RBM20: variants seen among roughly 807,000 people sequenced by gnomAD.
RBM20 encodes RNA binding motif protein 20.
Under a neutral mutation model 110.1 loss-of-function variants are expected in RBM20, and 51 were observed. The observed-to-expected ratio is 0.46, with a 90% CI of 0.37 to 0.59. RBM20 has a LOEUF of 0.59. Among genes scored for constraint, RBM20 ranks in the 20% least tolerant of loss-of-function variants. RBM20 has a pLI of 0.00. For missense variants in RBM20, 1,512 were observed against 1,574.9 expected, an observed-to-expected ratio of 0.96 and a Z score of 0.68; for synonymous variants, 589 against 618.2, an observed-to-expected ratio of 0.95 and a Z score of 0.70.
chr10:110,643,457 G>T (rs142080238), upstream of RBM20, among the ~76,000 whole-genome samples: 23 of 152,248 alleles, frequency 1.5e-4, no homozygotes, highest in Middle Eastern at 3.2e-3. Flanking sequence ...GCAGGTGGAC[G>T]GGCGCACGCG....
intron 1 of RBM20, among the ~76,000 whole-genome samples, chr10:110,748,263 G>A (rs1843808782): frequency 6.6e-6 from 1 of 152,194 alleles, no homozygotes; most frequent in South Asian, 2.1e-4. Context: ...TAGCTAAAAT[G>A]CAAGTTAAAA....
intron 5 of RBM20, among the ~76,000 whole-genome samples, chr10:110,791,010 G>A (rs776348835): frequency 6.6e-5 from 10 of 152,148 alleles, no homozygotes; most frequent in Non-Finnish European, 1.2e-4. Flanking sequence ...AAGATCCGTA[G>A]GCAATCCTAT....
intron 13 of RBM20, chr10:110,831,421 G>A: frequency 2.3e-6 from 1 of 427,088 alleles, no homozygotes; most frequent in Non-Finnish European, 4.3e-6. Flanking sequence ...GATTCCATCA[G>A]GCTGCTCTCG....
chr10:110,797,454 A>AG, intron 5 of RBM20, 54 bp from the exon 6 acceptor site: 2 of 1,463,404 alleles, frequency 1.4e-6, no homozygotes, highest in Non-Finnish European at 1.8e-6. Context: ...TCTGGAAGAG[A>AG]GGGGAAAAGG....
At chr10:110,800,801 T>C (rs886749857) in intron 7 of RBM20, among the ~76,000 whole-genome samples, 1 of 152,252 alleles carries the variant, frequency 6.6e-6, no homozygotes, top group African/African-American at 2.4e-5. Context: ...GCTGTGTTCT[T>C]ACAGATCTTG....
upstream of RBM20, chr10:110,644,307 C>A: frequency 1.8e-6 from 1 of 543,688 alleles, no homozygotes; most frequent in Non-Finnish European, 3.0e-6. This position sits in a 1 kb window ranked among gnomAD's most constrained non-coding sequence, Gnocchi z 4.3. Flanking sequence ...CCAGGACTGC[C>A]TCCTCCCCGC....
Position 110,780,953 on chromosome 10 carries a change from C to T in RBM20, c.344C>T (p.Ala115Val). Residue 115 changes from alanine to valine, a missense_variant, in exon 2 of 14, where the codon GCA becomes GTA. Ala to Val is a moderately conservative substitution (Grantham distance 64). Transcript: ENST00000369519. ...LAQTAVTNNTAAATVLNQVLS... is the reference protein window; with the variant it reads ...LAQTAVTNNTVAATVLNQVLS... ...CAGACAGCTGTCACCAACAACACTGCAGCCGCCACAGTCCTGAACCAAGTC... is the reference window on the plus strand; with the variant it reads ...CAGACAGCTGTCACCAACAACACTGTAGCCGCCACAGTCCTGAACCAAGTC... The T allele has an allele frequency of 3.2e-6, 5 of 1,551,732 alleles. No homozygotes were observed. The highest frequency in any genetic ancestry group is 3.5e-6 in the Non-Finnish European group (4 of 1,147,002).
At chr10:110,771,199 C>T (rs556872891) in intron 1 of RBM20, among the ~76,000 whole-genome samples, 2 of 152,168 alleles carry the variant, frequency 1.3e-5, no homozygotes, top group East Asian at 1.9e-4. Flanking sequence ...CTCTGTTGCC[C>T]AGGCTGGAGT....
At chr10:110,736,990 C>A (rs1372891498) in intron 1 of RBM20, among the ~76,000 whole-genome samples, 1 of 151,486 alleles carries the variant, frequency 6.6e-6, no homozygotes, top group Non-Finnish European at 1.5e-5. Context: ...GCCTGGCCAA[C>A]GTGGTGAAAC....
rs1311826726 is a variant in RBM20 at position 110,780,998 on chromosome 10, C to T, written c.389C>T (p.Ser130Phe). The T allele has an allele frequency of 6.4e-7, 1 of 1,551,828 alleles. No individual in the cohort carries two copies. Among genetic ancestry groups the T allele is most frequent in the Non-Finnish European group, 8.7e-7 (1 of 1,147,018 alleles). Residue 130 changes from serine to phenylalanine, a missense_variant, in exon 2 of 14, where the codon TCC becomes TTC. Ser to Phe is a radical substitution (Grantham distance 155, BLOSUM62 -2). Transcript: ENST00000369519. The part of the protein sequence containing the change: ...LNQVLSKVAM[S>F]QPLFNQLRHP... The stretch of plus-strand genomic sequence containing the variant: ...CAAGTCCTCTCCAAAGTGGCCATGT[C>T]CCAGCCTCTCTTCAATCAACTGAGG...
chr10:110,700,085 ATT>A (rs1242622389), intron 1 of RBM20, among the ~76,000 whole-genome samples: 1 of 152,168 alleles, frequency 6.6e-6, no homozygotes, highest in African/African-American at 2.4e-5. Flanking sequence ...TCCATGTAAT[ATT>A]TTTGGACCAC....
Position 110,780,845 on chromosome 10 carries a change from C to T in RBM20, c.236C>T (p.Pro79Leu), listed in dbSNP as rs1377676847. The T allele has an allele frequency of 5.8e-6, 9 of 1,545,356 alleles. No homozygotes were observed. The highest frequency in any genetic ancestry group is 1.4e-5 in the African/African-American group (1 of 73,042). ...AAGAACCCATTCTCGGTCAGTAACC[C>T]GAACCCTCTGCTTCCTTCACCTGCC... ...LDKNPFSVSN[P>L]NPLLPSPASL... The change falls in exon 2 of 14, where the codon CCG (proline) becomes CTG (leucine). Residue 79 changes from proline (P) to leucine (L), a missense_variant. Pro to Leu is a moderately conservative substitution (Grantham distance 98). Around this residue, in one of 3 missense-constraint regions of RBM20, gnomAD observed 1,149 missense variants for 1,169.4 expected, o/e 0.98. Transcript: ENST00000369519.
rs923358109 is a variant in RBM20 at position 110,781,738 on chromosome 10, G to A, written c.1129G>A (p.Gly377Ser). Residue 377 changes from glycine (G) to serine (S), a missense_variant, in exon 2 of 14, where the codon GGT (glycine) becomes AGT (serine). Gly to Ser is a moderately conservative substitution (Grantham distance 56). Around this residue, in one of 3 missense-constraint regions of RBM20, gnomAD observed 1,149 missense variants for 1,169.4 expected, o/e 0.98. Coordinates refer to ENST00000369519, the MANE Select transcript of RBM20 (RefSeq NM_001134363.3). ...RLNNSKQGFI[G>S]AGRRAKEDQA... is the part of the protein sequence containing the mutation. ...TAACAACAGCAAACAGGGTTTTATC[G>A]GTGCTGGGCGGAGGGCCAAGGAGGA... 22 of 1,551,698 alleles carry A rather than the reference G, an allele frequency of 1.4e-5. No individual in the cohort carries two copies. Among genetic ancestry groups the A allele is most frequent in the African/African-American group, 2.7e-5 (2 of 73,046 alleles).
In RBM20 at chr10:110,713,945, T is replaced by C. The variant is rs529513809; in HGVS notation, c.192-66856T>C. On this transcript the variant is annotated intron_variant, in intron 1 of 13. Transcript: ENST00000369519. ...ACTTCATTGTGAAGACTGATAATAT[T>C]CAGATGTATTAATCCCTAGAAGATA... Among the ~76,000 whole-genome samples the C allele has an allele frequency of 3.3e-5, 5 of 152,226 alleles. No homozygotes were observed. The South Asian group carries it at 1.0e-3, about 32-fold the overall frequency.
intron 1 of RBM20, among the ~76,000 whole-genome samples, chr10:110,775,796 G>A (rs187354639): frequency 2.0e-5 from 3 of 152,302 alleles, no homozygotes; most frequent in Admixed American, 6.5e-5. Flanking sequence ...CGTGGTTTAC[G>A]TAGGTTGGCT....
At chr10:110,765,439 A>C (rs892015721) in intron 1 of RBM20, among the ~76,000 whole-genome samples, 1 of 152,178 alleles carries the variant, frequency 6.6e-6, no homozygotes, top group Admixed American at 6.5e-5. Context: ...GCACCCCTGA[A>C]GTAGCTGGAA....
intron 1 of RBM20, among the ~76,000 whole-genome samples, chr10:110,674,530 C>T (rs1024264319): frequency 1.3e-5 from 2 of 152,192 alleles, no homozygotes; most frequent in African/African-American, 4.8e-5. Context: ...TTGTCGTGAC[C>T]ACGCAAGCTC....
chr10:110,688,651 T>A (rs1862540165), intron 1 of RBM20, among the ~76,000 whole-genome samples: 3 of 152,226 alleles, frequency 2.0e-5, no homozygotes, highest in Non-Finnish European at 1.5e-5. Flanking sequence ...TTGCAATAAT[T>A]TTAGATTTAC....
At chr10:110,777,828 C>G (rs915038493) in intron 1 of RBM20, among the ~76,000 whole-genome samples, 2 of 152,344 alleles carry the variant, frequency 1.3e-5, no homozygotes, top group South Asian at 2.1e-4. Flanking sequence ...CCAACCTTGT[C>G]TTACTCTGGT....
Sources: gnomAD v4.1 joint callset for allele counts (sites outside exome capture counted in the v4.1 genomes callset) on GRCh38, gnomAD v4.1.1 for gene constraint, gnomAD v4.1.1 regional missense constraint, Gnocchi (gnomAD v3.1) non-coding constraint, MANE v1.5 for transcripts, NCBI Gene and HGNC (gene_info 2026-07-23, HGNC 2026-07-21) for gene names.